The following SLC20A2 variants were observed in gnomAD, a reference collection of about 807,000 sequenced individuals.
SLC20A2 encodes the protein sodium-dependent phosphate transporter 2.
A neutral mutation model predicts 61.0 loss-of-function variants in SLC20A2; 30 were observed. The observed-to-expected ratio is 0.49, with a 90% confidence interval of 0.37 to 0.67. SLC20A2 has a LOEUF of 0.67. Ranked by LOEUF, SLC20A2 falls within the 30% of genes least tolerant of loss-of-function variation. The probability of loss-of-function intolerance (pLI) is 0.00; values close to 1 mark genes in which losing one functional copy is unlikely to be tolerated. For synonymous variants in SLC20A2, 351 were observed against 353.3 expected (o/e 0.99, Z 0.07); for missense variants, 626 against 866.4 (o/e 0.72, Z 3.48).
intron 1 of SLC20A2, among the ~76,000 whole-genome samples, chr8:42,499,575 T>C (rs923722888): frequency 1.3e-5 from 2 of 152,210 alleles, no homozygotes; most frequent in African/African-American, 4.8e-5. Context: ...CTTTTCTCTT[T>C]TGCAGGACTA....
intron 3 of SLC20A2, 96 bp from the exon 4 acceptor site, chr8:42,463,186 A>G (rs1806848709): frequency 1.5e-6 from 1 of 685,860 alleles, no homozygotes; most frequent in Admixed American, 3.1e-5. Context: ...TGTATTACAT[A>G]CATTCATAAG....
chr8:42,503,346 T>C (rs1394825221), upstream of SLC20A2, among the ~76,000 whole-genome samples: 2 of 152,100 alleles, frequency 1.3e-5, no homozygotes, highest in Non-Finnish European at 2.9e-5. Flanking sequence ...TAATTTTTGG[T>C]GGTAGAGGAG....
At chr8:42,482,657 G>C (rs1230113646) in intron 1 of SLC20A2, among the ~76,000 whole-genome samples, 1 of 152,062 alleles carries the variant, frequency 6.6e-6, no homozygotes, top group African/African-American at 2.4e-5. Context: ...GGAGGTCAAG[G>C]CTACAGTGAG....
chr8:42,470,933 T>G (rs1807585164), intron 2 of SLC20A2: 1 of 315,974 alleles, frequency 3.2e-6, no homozygotes, highest in Non-Finnish European at 6.1e-6. Context: ...GAGATCACAC[T>G]ATTGCACTCC....
intron 1 of SLC20A2, among the ~76,000 whole-genome samples, chr8:42,486,741 C>G (rs1389788276): frequency 1.3e-5 from 2 of 152,190 alleles, no homozygotes; most frequent in Non-Finnish European, 2.9e-5. Flanking sequence ...TTCTCTCTGT[C>G]TCTTAAACTT....
chr8:42,452,973 C>T (rs986920626), intron 5 of SLC20A2, among the ~76,000 whole-genome samples: 6 of 152,122 alleles, frequency 3.9e-5, no homozygotes, highest in Non-Finnish European at 8.8e-5. Context: ...CTGTAACATG[C>T]TTCCAAATCA....
rs796699785 is a variant in SLC20A2 at position 42,520,266 on chromosome 8, A to G, written c.-265+21555T>C. ...TGACCTCAAGTGATCCGCCCGCCTC[A>G]GCCTCCCAAAGTGCTGGGATTACAG... On this transcript the variant is annotated intron_variant, in intron 1 of 10. Transcript: ENST00000342228. 1.3e-4 allele frequency among the ~76,000 whole-genome samples: 20 copies of G among 151,270 alleles called. 1 individual carries two copies. Among genetic ancestry groups the G allele is most frequent in the African/African-American group, 4.6e-4 (19 of 41,230 alleles).
rs150303862 is a variant in SLC20A2 at position 42,528,319 on chromosome 8, G to A, written c.-265+13502C>T. Among the ~76,000 whole-genome samples, 175 of 152,082 alleles carry A rather than the reference G, an allele frequency of 1.2e-3. 1 individual carries two copies. The highest frequency in any genetic ancestry group is 1.9e-3 in the Non-Finnish European group (127 of 67,988). On this transcript the variant is annotated intron_variant, in intron 1 of 10. Coordinates refer to the SLC20A2 transcript ENST00000342228. ...TACTAAAAGTACAAAAAAGTTAGCC[G>A]GGCGTAGTGGTGGGCACCTTTAGTC...
At chr8:42,443,300 T>A (rs1471924196) in intron 6 of SLC20A2, among the ~76,000 whole-genome samples, 4 of 131,440 alleles carry the variant, frequency 3.0e-5, no homozygotes, top group Admixed American at 7.5e-5. Flanking sequence ...TATATATATA[T>A]ATATATATAA....
intron 1 of SLC20A2, among the ~76,000 whole-genome samples, chr8:42,492,504 T>C (rs1048933784): frequency 5.3e-5 from 8 of 152,130 alleles, no homozygotes; most frequent in African/African-American, 1.9e-4. Flanking sequence ...AAGGCGAGCA[T>C]AAAAAGAAGA....
chr8:42,437,688 G>A lies in SLC20A2; in HGVS notation c.935-111C>T. 2 of 879,854 alleles carry A rather than the reference G, an allele frequency of 2.3e-6. No homozygotes were observed. Among genetic ancestry groups the A allele is most frequent in the African/African-American group, 3.4e-5 (2 of 58,094 alleles). The allele number at this position is 879,854 out of a possible 1,614,324, so 54.5% of individuals were successfully genotyped here. ...GGGTGGAGTACAATGGCGCAATCTC[G>A]GCTCACTGCAACCTTCGCCTCCCGG... On this transcript the variant is annotated intron_variant, in intron 7 of 10. Coordinates refer to ENST00000520262, the MANE Select transcript of SLC20A2 (RefSeq NM_001257180.2). This position sits in a 1 kb window ranked among gnomAD's most constrained non-coding sequence, Gnocchi z 6.4.
intron 1 of SLC20A2, among the ~76,000 whole-genome samples, chr8:42,520,419 T>TCCTGGGCCCAGGC (rs1178876049): frequency 7.1e-4 from 89 of 124,834 alleles, no homozygotes; most frequent in Middle Eastern, 4.0e-3. Context: ...TACAAAGAAT[T>TCCTGGGCCCAGGC]GATATTTTAA....
chr8:42,435,520 G>A (rs1804181045), intron 8 of SLC20A2, among the ~76,000 whole-genome samples: 1 of 152,142 alleles, frequency 6.6e-6, no homozygotes, highest in African/African-American at 2.4e-5. Context: ...CACATGCCTT[G>A]TCTAGGGGTT....
chr8:42,493,165 A>AG (rs1420491085), intron 1 of SLC20A2, among the ~76,000 whole-genome samples: 1 of 152,200 alleles, frequency 6.6e-6, no homozygotes, highest in Non-Finnish European at 1.5e-5. Context: ...TGTATAAAGC[A>AG]GGTGGAAAGG....
intron 1 of SLC20A2, among the ~76,000 whole-genome samples, chr8:42,524,502 T>G (rs1332499202): frequency 6.6e-6 from 1 of 152,084 alleles, no homozygotes; most frequent in Non-Finnish European, 1.5e-5. Flanking sequence ...AATATACCCA[T>G]GCAGGCTGGG....
intron 1 of SLC20A2, among the ~76,000 whole-genome samples, chr8:42,539,628 TTA>T (rs1268127594): frequency 6.6e-6 from 1 of 152,264 alleles, no homozygotes. Flanking sequence ...TTTTATTTTT[TTA>T]GTTTGGTATT....
At chr8:42,433,500 T>C (rs796861453) in intron 8 of SLC20A2, among the ~76,000 whole-genome samples, 21 of 152,110 alleles carry the variant, frequency 1.4e-4, no homozygotes, top group African/African-American at 4.6e-4. Context: ...ATTTTTTGTA[T>C]TTTTAGTACA....
intron 5 of SLC20A2, among the ~76,000 whole-genome samples, chr8:42,458,896 G>A (rs1394269713): frequency 2.0e-5 from 3 of 150,258 alleles, no homozygotes; most frequent in Admixed American, 6.6e-5. Context: ...GCAACAGAGC[G>A]AGCCTCTGTC....
At chr8:42,488,458 G>C (rs60458258) in intron 1 of SLC20A2, among the ~76,000 whole-genome samples, 51 of 152,202 alleles carry the variant, frequency 3.4e-4, no homozygotes, top group African/African-American at 1.2e-3. Context: ...AAAGTGCTGA[G>C]ATTACAGGCG....
Sources: gnomAD v4.1 joint callset for allele counts (sites outside exome capture counted in the v4.1 genomes callset) on GRCh38, gnomAD v4.1.1 for gene constraint, Gnocchi (gnomAD v3.1) non-coding constraint, MANE v1.5 for transcripts, NCBI Gene and HGNC (gene_info 2026-07-23, HGNC 2026-07-21) for gene names.